The following CARM1 variants were observed in gnomAD, a reference collection of about 807,000 sequenced individuals.
CARM1 encodes histone-arginine methyltransferase CARM1.
Under a neutral mutation model 72.7 loss-of-function variants are expected in CARM1, and 14 were observed. The ratio of observed to expected loss-of-function variants is 0.19; its 90% CI spans 0.13 to 0.30. CARM1 has a LOEUF of 0.30. Among genes scored for constraint, CARM1 ranks in the 10% least tolerant of loss-of-function variants. The probability of loss-of-function intolerance (pLI) is 1.00; values close to 1 mark genes in which losing one functional copy is unlikely to be tolerated. For synonymous variants in CARM1, 333 were observed against 345.5 expected, an observed-to-expected ratio of 0.96 and a Z score of 0.40; for missense variants, 432 against 833.7, an observed-to-expected ratio of 0.52 and a Z score of 5.93.
Position 10,905,381 on chromosome 19 carries a change from C to A in CARM1, c.346+305C>A, listed in dbSNP as rs1429874322. Among the ~76,000 whole-genome samples the A allele has an allele frequency of 2.9e-5, 4 of 139,222 alleles. No homozygotes were observed. The East Asian group carries it at 9.0e-4, about 31-fold the overall frequency. The allele number at this position is 139,222 out of a possible 152,430, so 91.3% of individuals were successfully genotyped here. A position where few individuals can be genotyped will look rare whatever the true frequency, so the allele number is the denominator to read the frequency against. On this transcript the variant is annotated intron_variant, in intron 2 of 15. Transcript: ENST00000327064. ...CTTTCTGGCAGTGGCCAGCCCTGGG[C>A]CAGCTGTGACTGGGCCAGCTGTGGA...
intron 1 of CARM1, among the ~76,000 whole-genome samples, chr19:10,897,222 C>T (rs2074030754): frequency 6.6e-6 from 1 of 152,190 alleles, no homozygotes; most frequent in African/African-American, 2.4e-5. Context: ...GACACTTAAC[C>T]TCTCTGAGCA....
rs1444983767 is a variant in CARM1 at position 10,917,973 on chromosome 19, A to G, written c.1020+1196A>G. ...GTGATCCGCCTGCCTCGGCCTCCCA[A>G]AGTGCTGGGATTACAGGCGTGAGCC... On this transcript the variant is annotated intron_variant, in intron 8 of 15. Coordinates refer to ENST00000327064, the MANE Select transcript of CARM1 (RefSeq NM_199141.2). Among the ~76,000 whole-genome samples, 4 of 152,144 alleles carry G rather than the reference A, an allele frequency of 2.6e-5. 1 individual carries two copies. Among genetic ancestry groups the G allele is most frequent in the South Asian group, 4.1e-4 (2 of 4,824 alleles).
Position 10,871,809 on chromosome 19 carries a change from G to A in CARM1, c.107G>A (p.Arg36His). The change falls in exon 1 of 16, where the codon CGC (arginine) becomes CAC (histidine). Residue 36 changes from arginine (R) to histidine (H), a missense_variant. By Grantham distance (29) the Arg-to-His change is conservative (BLOSUM62 0). Around this residue, in one of 3 missense-constraint regions of CARM1, gnomAD observed 138 missense variants for 192.3 expected, o/e 0.72. Transcript: ENST00000327064. This position sits in a 1 kb window ranked among gnomAD's most constrained non-coding sequence, Gnocchi z 5.6. ...CATVSVFPGA[R>H]LLTIGDANGE... ...ACCGTGTCGGTGTTCCCCGGCGCCCGCCTCCTCACCATCGGCGACGCGAAC... is the reference window on the plus strand; with the variant it reads ...ACCGTGTCGGTGTTCCCCGGCGCCCACCTCCTCACCATCGGCGACGCGAAC... 1 of 1,256,330 alleles carries A rather than the reference G, an allele frequency of 8.0e-7. No individual in the cohort carries two copies. Among genetic ancestry groups the A allele is most frequent in the Non-Finnish European group, 1.0e-6 (1 of 993,324 alleles). The allele number at this position is 1,256,330 out of a possible 1,614,324, so 77.8% of individuals were successfully genotyped here. A position where few individuals can be genotyped will look rare whatever the true frequency, so the allele number is the denominator to read the frequency against.
intron 1 of CARM1, among the ~76,000 whole-genome samples, chr19:10,885,369 C>T (rs975391579): frequency 5.3e-5 from 8 of 152,268 alleles, no homozygotes; most frequent in Admixed American, 2.0e-4. Flanking sequence ...TCCTTTATGT[C>T]GTTGGCAGGT....
intron 1 of CARM1, among the ~76,000 whole-genome samples, chr19:10,893,203 A>G (rs1032391176): frequency 1.4e-5 from 2 of 141,814 alleles, no homozygotes; most frequent in Non-Finnish European, 3.1e-5. Context: ...ATGCCTGGCT[A>G]ATTTTATATT....
At position 10,916,683 on chromosome 19, in the gene CARM1, G is replaced by A. The variant is rs1216626570; in HGVS notation, c.939-13G>A. The A allele has an allele frequency of 1.1e-5, 17 of 1,568,734 alleles. No homozygotes were observed. Among genetic ancestry groups the A allele is most frequent in the Non-Finnish European group, 1.4e-5 (16 of 1,156,440 alleles). On this transcript the variant is annotated splice_polypyrimidine_tract_variant and intron_variant, in intron 7 of 15. Coordinates refer to ENST00000327064, the MANE Select transcript of CARM1 (RefSeq NM_199141.2). The surrounding 1 kb of genome is among the most constrained non-coding windows in gnomAD (Gnocchi z 4.4). ...AGCCCTGACCTTGCTGTGGGGGTGG[G>A]GCCTGTCCACAGGTACCAGCCATCT...
intron 2 of CARM1, among the ~76,000 whole-genome samples, chr19:10,905,279 G>A (rs1032669359): frequency 2.6e-5 from 4 of 152,202 alleles, no homozygotes; most frequent in African/African-American, 7.2e-5. Flanking sequence ...CTCCCTCACC[G>A]GCTCCTCCGG....
intron 2 of CARM1, 66 bp downstream of exon 2, chr19:10,905,142 G>T (rs1398507870): frequency 6.3e-7 from 1 of 1,579,262 alleles, no homozygotes; most frequent in African/African-American, 1.3e-5. Context: ...GTGGGCAGGG[G>T]CGTAGAGCCT....
chr19:10,908,244 T>C, intron 3 of CARM1, 99 bp downstream of exon 3: 2 of 766,918 alleles, frequency 2.6e-6, no homozygotes, highest in East Asian at 2.6e-5. Context: ...CCCACCCAAG[T>C]TCCCGTCCTG....
At chr19:10,919,799 T>C in intron 9 of CARM1, 78 bp from the exon 10 acceptor site, 1 of 1,494,270 alleles carries the variant, frequency 6.7e-7, no homozygotes, top group Non-Finnish European at 9.3e-7. Context: ...GCCCCAGGCC[T>C]CTGCACCTGG....
At chr19:10,900,761 G>A (rs2074057716) in intron 1 of CARM1, among the ~76,000 whole-genome samples, 1 of 151,768 alleles carries the variant, frequency 6.6e-6, no homozygotes, top group Admixed American at 6.6e-5. Context: ...TCGGCTCACC[G>A]CAAGCTCCGC....
Position 10,920,123 on chromosome 19 carries a change from GGTGTGTGTGT to G in CARM1, c.1196+168_1196+177del, listed in dbSNP as rs55667142. On this transcript the variant is annotated intron_variant, in intron 10 of 15. Transcript: ENST00000327064. The surrounding 1 kb of genome is among the most constrained non-coding windows in gnomAD (Gnocchi z 5.3). Reference sequence around the variant, plus strand: ...CGGAGCAAGAGACTGTTGTGGGTGGGGTGTGTGTGTGTGTGTGTGTATGTGTGTGTGTGTC... The same window carrying G: ...CGGAGCAAGAGACTGTTGTGGGTGGGGTGTGTGTGTATGTGTGTGTGTGTC... Among the ~76,000 whole-genome samples, 6 of 150,036 alleles carry G rather than the reference GGTGTGTGTGT, an allele frequency of 4.0e-5. No homozygotes were observed. The highest frequency in any genetic ancestry group is 1.3e-4 in the Admixed American group (2 of 15,088).
At chr19:10,906,075 G>A (rs1274307713) in intron 2 of CARM1, among the ~76,000 whole-genome samples, 2 of 143,020 alleles carry the variant, frequency 1.4e-5, no homozygotes, top group African/African-American at 5.2e-5. Flanking sequence ...TCAGCCTCCC[G>A]CGTAGCTGGG....
At position 10,912,120 on chromosome 19, in the gene CARM1, C is replaced by G; in HGVS notation, c.559-64C>G. On this transcript the variant is annotated intron_variant, in intron 4 of 15. Transcript: ENST00000327064. This position sits in a 1 kb window ranked among gnomAD's most constrained non-coding sequence, Gnocchi z 4.5. ...TCATGATGTGCACATCCCTTATGAT[C>G]ACTGTCACCTCCCCATCACCGTCGC... 1 of 1,138,876 alleles carries G rather than the reference C, an allele frequency of 8.8e-7. No homozygotes were observed. Among genetic ancestry groups the G allele is most frequent in the Non-Finnish European group, 1.3e-6 (1 of 745,916 alleles). 70.5% of individuals were successfully genotyped at this position (1,138,876 alleles called of 1,614,324 possible). A position where few individuals can be genotyped will look rare whatever the true frequency, so the allele number is the denominator to read the frequency against.
intron 1 of CARM1, among the ~76,000 whole-genome samples, chr19:10,903,266 C>T (rs2074079327): frequency 6.6e-6 from 1 of 152,062 alleles, no homozygotes; most frequent in Admixed American, 6.6e-5. Context: ...CATTACTGTA[C>T]CTTCGTAGTA....
Position 10,916,876 on chromosome 19 carries a change from C to A in CARM1, c.1020+99C>A. 1 of 872,486 alleles carries A rather than the reference C, an allele frequency of 1.1e-6. No individual in the cohort carries two copies. Among genetic ancestry groups the A allele is most frequent in the Non-Finnish European group, 1.8e-6 (1 of 554,146 alleles). 54.0% of individuals were successfully genotyped at this position (872,486 alleles called of 1,614,324 possible). A position where few individuals can be genotyped will look rare whatever the true frequency, so the allele number is the denominator to read the frequency against. ...CTACAGCCCCTCTCTGAGCCCTCTC[C>A]TCTGCCCTGCACAGCGCTCTCACAG... On this transcript the variant is annotated intron_variant, in intron 8 of 15. Coordinates refer to ENST00000327064, the MANE Select transcript of CARM1 (RefSeq NM_199141.2). The surrounding 1 kb of genome is among the most constrained non-coding windows in gnomAD (Gnocchi z 4.4).
intron 1 of CARM1, among the ~76,000 whole-genome samples, chr19:10,898,644 C>T (rs1363509451): frequency 6.6e-6 from 1 of 152,210 alleles, no homozygotes; most frequent in African/African-American, 2.4e-5. Flanking sequence ...GAGTTTCCTG[C>T]GGGCAGGGCT....
chr19:10,880,971 C>T (rs922218025), intron 1 of CARM1, among the ~76,000 whole-genome samples: 1 of 152,080 alleles, frequency 6.6e-6, no homozygotes, highest in Non-Finnish European at 1.5e-5. Context: ...ACAACCAGCC[C>T]GGGAAACACA....
intron 1 of CARM1, among the ~76,000 whole-genome samples, chr19:10,874,384 T>C (rs576094169): frequency 6.6e-6 from 1 of 152,184 alleles, no homozygotes; most frequent in East Asian, 1.9e-4. Flanking sequence ...CTTTTTTATT[T>C]TTTTTATTTT....
Sources: allele counts gnomAD v4.1 joint callset (sites outside exome capture counted in the v4.1 genomes callset), GRCh38; gene constraint gnomAD v4.1.1; regional missense constraint gnomAD v4.1.1; non-coding constraint Gnocchi (gnomAD v3.1); transcripts MANE v1.5; gene names NCBI Gene and HGNC (gene_info 2026-07-23, HGNC 2026-07-21).